The following EVI5 variants were observed in gnomAD, a reference collection of about 807,000 sequenced individuals.
The protein encoded by EVI5 is ecotropic viral integration site 5 protein homolog.
Under a neutral mutation model 112.0 loss-of-function variants are expected in EVI5, and 73 were observed. The observed-to-expected ratio is 0.65, with a 90% CI of 0.54 to 0.79. EVI5 has a LOEUF of 0.79. Among genes scored for constraint, EVI5 ranks in the 30% least tolerant of loss-of-function variants. The pLI is 0.00. For missense variants in EVI5, 900 were observed against 968.8 expected (o/e 0.93, Z 0.94); for synonymous variants, 305 against 319.9 (o/e 0.95, Z 0.50).
intron 1 of EVI5, among the ~76,000 whole-genome samples, chr1:92,742,947 T>C (rs1256092589): frequency 6.6e-6 from 1 of 152,234 alleles, no homozygotes; most frequent in Non-Finnish European, 1.5e-5. Flanking sequence ...CCCATATTCA[T>C]AGCAGCATTA....
chr1:92,692,329 G>C (rs575775715), intron 9 of EVI5, among the ~76,000 whole-genome samples: 4 of 152,196 alleles, frequency 2.6e-5, no homozygotes, highest in Admixed American at 6.5e-5. Flanking sequence ...TAAATTCTCT[G>C]CCTGGCTAGT....
At chr1:92,715,555 G>A (rs768694254) in intron 2 of EVI5, among the ~76,000 whole-genome samples, 1 of 152,144 alleles carries the variant, frequency 6.6e-6, no homozygotes, top group Non-Finnish European at 1.5e-5. Context: ...CGCAGAAGAC[G>A]GGTGATTTCT....
chr1:92,732,972 G>A (rs981336938), intron 2 of EVI5: 1 of 151,352 alleles, frequency 6.6e-6, no homozygotes, highest in African/African-American at 2.5e-5. Context: ...TGACATGTTG[G>A]GAGGCCGAGG....
intron 10 of EVI5, among the ~76,000 whole-genome samples, chr1:92,670,910 C>T (rs1463121004): frequency 6.6e-6 from 1 of 152,114 alleles, no homozygotes; most frequent in Non-Finnish European, 1.5e-5. Context: ...TACTAAGTTA[C>T]ATCTCCTAAC....
At chr1:92,776,810 T>C (rs955649786) in intron 1 of EVI5, among the ~76,000 whole-genome samples, 3 of 150,924 alleles carry the variant, frequency 2.0e-5, no homozygotes, top group African/African-American at 7.3e-5. Context: ...TAACTTTTTT[T>C]TTTTTTTTTT....
chr1:92,721,471 G>A (rs1674743965), intron 2 of EVI5, among the ~76,000 whole-genome samples: 1 of 152,102 alleles, frequency 6.6e-6, no homozygotes, highest in Non-Finnish European at 1.5e-5. Flanking sequence ...GGTGGGAATT[G>A]AACAATGAAA....
At chr1:92,634,597 T>C (rs1219807226) in intron 14 of EVI5, among the ~76,000 whole-genome samples, 1 of 152,166 alleles carries the variant, frequency 6.6e-6, no homozygotes, top group Admixed American at 6.5e-5. Flanking sequence ...TTTTTCAAGG[T>C]CTTTAACTTC....
chr1:92,770,082 G>A (rs961353386), intron 1 of EVI5, among the ~76,000 whole-genome samples: 4 of 152,158 alleles, frequency 2.6e-5, no homozygotes, highest in African/African-American at 9.7e-5. Flanking sequence ...TACAAGGAAC[G>A]CAGCTCGAGA....
At chr1:92,589,909 A>G (rs1481533933) in intron 18 of EVI5, among the ~76,000 whole-genome samples, 1 of 152,190 alleles carries the variant, frequency 6.6e-6, no homozygotes, top group Non-Finnish European at 1.5e-5. Context: ...TACCCCTCTG[A>G]GACAAAGCTT....
intron 11 of EVI5, 89 bp downstream of exon 11, chr1:92,665,850 T>C (rs1664793125): frequency 1.2e-6 from 1 of 862,042 alleles, no homozygotes; most frequent in African/African-American, 1.7e-5. Context: ...ATAGGAGACA[T>C]GTGCCAGAAT....
chr1:92,696,813 C>T (rs1467248728), intron 6 of EVI5, among the ~76,000 whole-genome samples: 5 of 152,106 alleles, frequency 3.3e-5, no homozygotes, highest in African/African-American at 7.2e-5. Context: ...CCAAGGCGGG[C>T]GGTTCATGAG....
intron 18 of EVI5, among the ~76,000 whole-genome samples, chr1:92,565,825 C>A (rs1669348850): frequency 6.6e-6 from 1 of 151,344 alleles, no homozygotes; most frequent in African/African-American, 2.4e-5. Context: ...AAACGATTAG[C>A]CGGGTGTGGT....
chr1:92,574,681 T>G (rs761857437), intron 18 of EVI5, among the ~76,000 whole-genome samples: 19 of 152,188 alleles, frequency 1.2e-4, no homozygotes, highest in Non-Finnish European at 2.6e-4. Context: ...AAAGAGAAGT[T>G]GTAAAGGGTA....
At chr1:92,615,158 T>C (rs1442628923) in intron 16 of EVI5, among the ~76,000 whole-genome samples, 4 of 152,220 alleles carry the variant, frequency 2.6e-5, no homozygotes, top group Middle Eastern at 3.4e-3. Context: ...ACACTCCTGA[T>C]TTACTATTTG....
chr1:92,564,114 G>A lies in EVI5; in HGVS notation c.2071-377C>T, dbSNP rs187048375. Among the ~76,000 whole-genome samples the A allele has an allele frequency of 3.4e-3, 510 of 152,058 alleles. 4 individuals are homozygous for A. The highest frequency in any genetic ancestry group is 0.014 in the Middle Eastern group (4 of 292). ...AATTTTGTATTTTTAGTAGACACAG[G>A]GTTTCTCCATGCTGGTCAGGCTGGT... On this transcript the variant is annotated intron_variant, in intron 18 of 19. Transcript: ENST00000684568.
At chr1:92,544,639 T>C (rs1170700043) in intron 19 of EVI5, among the ~76,000 whole-genome samples, 1 of 152,210 alleles carries the variant, frequency 6.6e-6, no homozygotes, top group Non-Finnish European at 1.5e-5. Context: ...TAGAAGGAGA[T>C]GAATGCATTT....
intron 16 of EVI5, chr1:92,622,206 G>A (rs2101755069): frequency 7.0e-6 from 2 of 285,636 alleles, no homozygotes; most frequent in South Asian, 6.2e-5. Context: ...GTATCTCTAT[G>A]TGATCTACAG....
At chr1:92,746,366 A>G (rs1679245917) in intron 1 of EVI5, among the ~76,000 whole-genome samples, 1 of 152,214 alleles carries the variant, frequency 6.6e-6, no homozygotes, top group Admixed American at 6.5e-5. Context: ...TAAATAGCAC[A>G]TTTCAATGAA....
At chr1:92,699,249 T>C (rs560089757) in intron 5 of EVI5, among the ~76,000 whole-genome samples, 1 of 152,272 alleles carries the variant, frequency 6.6e-6, no homozygotes, top group East Asian at 1.9e-4. Flanking sequence ...CTGAATTATG[T>C]CAGTCACTAC....
Sources: allele counts gnomAD v4.1 joint callset (sites outside exome capture counted in the v4.1 genomes callset), GRCh38; gene constraint gnomAD v4.1.1; transcripts MANE v1.5; gene names NCBI Gene and HGNC (gene_info 2026-07-23, HGNC 2026-07-21).